Variants in CDKN1A observed in about 807,000 individuals in gnomAD.
CDKN1A encodes cyclin dependent kinase inhibitor 1A.
CDKN1A carries 14 observed loss-of-function variants against 14.8 expected under a neutral mutation model. The observed-to-expected ratio is 0.94, with a 90% CI of 0.62 to 1.48. CDKN1A has a LOEUF of 1.48. Among genes scored for constraint, CDKN1A ranks in the 40% most tolerant of loss-of-function variants. The pLI, the probability that CDKN1A is intolerant of heterozygous loss-of-function variation, is 0.00. For missense variants in CDKN1A, 203 were observed against 231.7 expected (o/e 0.88, Z 0.80); for synonymous variants, 92 against 93.5 (o/e 0.98, Z 0.09).
At position 36,680,340 on chromosome 6, in the gene CDKN1A, G is replaced by GTGTGTGTGTGTGTGTGTGTGTC. The variant is rs1310329037; in HGVS notation, c.-6+1547_-6+1548insGTGTGTGTGTGTGTGTCTGTGT. The GTGTGTGTGTGTGTGTGTGTGTC allele has an allele frequency of 6.1e-5, 9 of 148,118 alleles. No individual in the cohort carries two copies. The South Asian group carries it at 6.6e-4, about 11-fold the overall frequency. The allele number at this position is 148,118 out of a possible 1,614,324, so 9.2% of individuals were successfully genotyped here. A position where few individuals can be genotyped will look rare whatever the true frequency, so the allele number is the denominator to read the frequency against. On this transcript the variant is annotated intron_variant, in intron 1 of 2. Transcript: ENST00000244741. Reference sequence around the variant, plus strand: ...TGTGTGTGTGTGTGTGTGTGTGTGTGTGTGTCTGTGTCAGAGACGGCACAA... The same window carrying GTGTGTGTGTGTGTGTGTGTGTC: ...TGTGTGTGTGTGTGTGTGTGTGTGTGTGTGTGTGTGTGTGTGTGTGTCTGTGTCTGTGTCAGAGACGGCACAA...
At chr6:36,677,998 T>G, upstream of CDKN1A, 1 of 789,536 alleles carries the variant, frequency 1.3e-6, no homozygotes, top group Non-Finnish European at 1.9e-6. Flanking sequence ...GAGATCAGGT[T>G]GCCCTTTTTT....
chr6:36,677,893 C>A, upstream of CDKN1A: 1 of 1,363,588 alleles, frequency 7.3e-7, no homozygotes, highest in Non-Finnish European at 9.7e-7. Flanking sequence ...CCCTTCCTGG[C>A]CAACAAAGCT....
intron 1 of CDKN1A, chr6:36,680,498 C>CAG (rs3176333): frequency 0.55 from 82,823 of 151,176 alleles, 24,880 homozygotes; most frequent in African/African-American, 0.79. Flanking sequence ...GGAGTGGAAG[C>CAG]AGTTTTGGCG....
intron 1 of CDKN1A, among the ~76,000 whole-genome samples, chr6:36,681,281 T>TCC (rs1562037987): frequency 2.6e-5 from 2 of 77,976 alleles, no homozygotes; most frequent in African/African-American, 4.9e-5. Context: ...TCTTTCTTTT[T>TCC]TTCTTTCTTT....
rs1827593233 is a variant in CDKN1A, at chr6:36,685,921, T to A, written c.*121T>A. On this transcript the variant is annotated 3_prime_UTR_variant, in exon 3 of 3. Transcript: ENST00000244741. ...TTATTTGTGTTTTAATTTAAACACC[T>A]CCTCATGTACATACCCTGGCCGCCC... is the stretch of plus-strand genomic sequence containing the variant. 2.0e-6 allele frequency: 2 copies of A among 1,005,282 alleles called. No individual in the cohort carries two copies. The highest frequency in any genetic ancestry group is 1.7e-5 in the Admixed American group (1 of 57,660). The allele number at this position is 1,005,282 out of a possible 1,614,324, so 62.3% of individuals were successfully genotyped here. A position where few individuals can be genotyped will look rare whatever the true frequency, so the allele number is the denominator to read the frequency against.
At chr6:36,677,918 G>A (rs1264435366), upstream of CDKN1A, 1 of 1,354,526 alleles carries the variant, frequency 7.4e-7, no homozygotes. Context: ...CAACCACAGG[G>A]ATTTCTTCTG....
chr6:36,684,605 C>A lies in CDKN1A; in HGVS notation c.445+59C>A. ...GACCAGGATTCTCAGAATCCATGGT[C>A]CAAGGGCTGACCTGTCTGGTCCTGG... On this transcript the variant is annotated intron_variant, in intron 2 of 2. Transcript: ENST00000244741. This position sits in a 1 kb window ranked among gnomAD's most constrained non-coding sequence, Gnocchi z 6.0. 1 of 1,525,476 alleles carries A rather than the reference C, an allele frequency of 6.6e-7. No individual in the cohort carries two copies. The highest frequency in any genetic ancestry group is 1.1e-5 in the South Asian group (1 of 88,342). 94.5% of individuals were successfully genotyped at this position (1,525,476 alleles called of 1,614,324 possible).
upstream of CDKN1A, chr6:36,678,069 T>TA (rs781390960): frequency 4.0e-5 from 16 of 400,782 alleles, no homozygotes; most frequent in Non-Finnish European, 7.8e-5. The surrounding 1 kb of genome is among the most constrained non-coding windows in gnomAD (Gnocchi z 5.7). Flanking sequence ...TTTGTATACT[T>TA]AAGTTCAGTG....
chr6:36,683,887 C>T (rs754837673), intron 1 of CDKN1A, among the ~76,000 whole-genome samples: 2 of 152,378 alleles, frequency 1.3e-5, no homozygotes, highest in East Asian at 1.9e-4. Context: ...GTTGCCTGCT[C>T]TCCCAGTGAC....
chr6:36,682,270 T>C (rs937465873), intron 1 of CDKN1A, among the ~76,000 whole-genome samples: 1 of 152,204 alleles, frequency 6.6e-6, no homozygotes, highest in Non-Finnish European at 1.5e-5. Flanking sequence ...TTTAGGAGGA[T>C]TGATATTTTT....
Position 36,681,271 on chromosome 6 carries a change from T to TCTCTCTTTCTTTC in CDKN1A, c.-6+2475_-6+2476insCTCTTTCTTTCCT, listed in dbSNP as rs1562037902. ...AAAAAACTCCCTAGGTGCTTTTCTT[T>TCTCTCTTTCTTTC]CTTTCTTTTTTTCTTTCTTTCTTTC... On this transcript the variant is annotated intron_variant, in intron 1 of 2. Coordinates refer to ENST00000244741, the MANE Select transcript of CDKN1A (RefSeq NM_000389.5). 1.1e-3 allele frequency among the ~76,000 whole-genome samples: 85 copies of TCTCTCTTTCTTTC among 78,768 alleles called. 2 individuals carry two copies. The East Asian group carries it at 0.022, about 21-fold the overall frequency. The allele number at this position is 78,768 out of a possible 152,430, so 51.7% of individuals were successfully genotyped here.
intron 1 of CDKN1A, among the ~76,000 whole-genome samples, chr6:36,681,263 C>CTTTTCT (rs1281622574): frequency 1.1e-5 from 1 of 92,384 alleles, no homozygotes; most frequent in Non-Finnish European, 2.3e-5. Context: ...TCCCTAGGTG[C>CTTTTCT]TTTTCTTTCT....
intron 1 of CDKN1A, among the ~76,000 whole-genome samples, chr6:36,681,247 A>G (rs1198097647): frequency 7.7e-6 from 1 of 130,574 alleles, no homozygotes; most frequent in Admixed American, 7.9e-5. Flanking sequence ...TATATTTTGA[A>G]AAAACTCCCT....
chr6:36,681,829 C>T (rs1022999630), intron 1 of CDKN1A, among the ~76,000 whole-genome samples: 4 of 152,020 alleles, frequency 2.6e-5, no homozygotes, highest in African/African-American at 7.3e-5. Flanking sequence ...CTCCTGACCT[C>T]GTGCTCCGCC....
intron 1 of CDKN1A, chr6:36,680,931 G>C (rs982410879): frequency 6.6e-6 from 1 of 152,308 alleles, no homozygotes; most frequent in Non-Finnish European, 1.5e-5. Flanking sequence ...GATGGGGGAG[G>C]AGAGGCCTAT....
Position 36,686,047 on chromosome 6 carries a change from T to C in CDKN1A, c.*247T>C, listed in dbSNP as rs1370821103. 1.8e-6 allele frequency: 1 copy of C among 564,094 alleles called. No homozygotes were observed. The highest frequency in any genetic ancestry group is 3.1e-5 in the Admixed American group (1 of 32,592). 34.9% of individuals were successfully genotyped at this position (564,094 alleles called of 1,614,324 possible). A position where few individuals can be genotyped will look rare whatever the true frequency, so the allele number is the denominator to read the frequency against. On this transcript the variant is annotated 3_prime_UTR_variant, in exon 3 of 3. Transcript: ENST00000244741. The surrounding 1 kb of genome is among the most constrained non-coding windows in gnomAD (Gnocchi z 4.9). ...TGGGCATTTTTATTTTATGAAATACTATTTAAAGCCTCCTCATCCCGTGTT... is the reference window on the plus strand; with the variant it reads ...TGGGCATTTTTATTTTATGAAATACCATTTAAAGCCTCCTCATCCCGTGTT...
chr6:36,686,076 C>T lies in CDKN1A; in HGVS notation c.*276C>T, dbSNP rs1762194516. 1.9e-6 allele frequency: 1 copy of T among 516,260 alleles called. No homozygotes were observed. The highest frequency in any genetic ancestry group is 3.3e-5 in the Admixed American group (1 of 30,472). 32.0% of individuals were successfully genotyped at this position (516,260 alleles called of 1,614,324 possible). ...TAAAGCCTCCTCATCCCGTGTTCTC[C>T]TTTTCCTCTCTCCCGGAGGTTGGGT... On this transcript the variant is annotated 3_prime_UTR_variant, in exon 3 of 3. Transcript: ENST00000244741. The surrounding 1 kb of genome is among the most constrained non-coding windows in gnomAD (Gnocchi z 4.9).
At chr6:36,681,268 C>CTT (rs1417917972) in intron 1 of CDKN1A, among the ~76,000 whole-genome samples, 11 of 81,434 alleles carry the variant, frequency 1.4e-4, no homozygotes, top group Admixed American at 2.5e-4. Context: ...AGGTGCTTTT[C>CTT]TTTCTTTCTT....
chr6:36,687,244 A>G lies in CDKN1A; in HGVS notation c.*1444A>G, dbSNP rs1257405417. The G allele has an allele frequency of 4.3e-6, 1 of 232,962 alleles. No homozygotes were observed. Among genetic ancestry groups the G allele is most frequent in the African/African-American group, 2.2e-5 (1 of 45,306 alleles). 14.4% of individuals were successfully genotyped at this position (232,962 alleles called of 1,614,324 possible). On this transcript the variant is annotated 3_prime_UTR_variant, in exon 3 of 3. Transcript: ENST00000244741. Reference sequence around the variant, plus strand: ...TGTAAACCTCTCGAGGGCAGGGACCACACCCTGTACTGTTCTGTGTCTTTC... The same window carrying G: ...TGTAAACCTCTCGAGGGCAGGGACCGCACCCTGTACTGTTCTGTGTCTTTC...
Sources: allele counts gnomAD v4.1 joint callset (sites outside exome capture counted in the v4.1 genomes callset), GRCh38; gene constraint gnomAD v4.1.1; non-coding constraint Gnocchi (gnomAD v3.1); transcripts MANE v1.5; gene names NCBI Gene and HGNC (gene_info 2026-07-23, HGNC 2026-07-21).